The following LHFPL3 variants were observed in gnomAD, a reference collection of about 807,000 sequenced individuals.
LHFPL3 encodes the protein LHFPL tetraspan subfamily member 3, also known as LHFPL tetraspan subfamily member 3 protein.
In LHFPL3, 5 loss-of-function variants were observed where a neutral mutation model predicts 19.3. The ratio of observed to expected loss-of-function variants is 0.26; its 90% CI spans 0.14 to 0.54. The LOEUF (loss-of-function observed/expected upper bound fraction) is 0.54. Ranked by LOEUF, LHFPL3 falls within the 20% of genes least tolerant of loss-of-function variation. The pLI, the probability that LHFPL3 is intolerant of heterozygous loss-of-function variation, is 0.94. For synonymous variants in LHFPL3, 133 were observed against 126.2 expected (o/e 1.05, Z -0.36); for missense variants, 249 against 307.4 (o/e 0.81, Z 1.42).
intron 1 of LHFPL3, among the ~76,000 whole-genome samples, chr7:104,693,546 C>T (rs1429936173): frequency 6.6e-6 from 1 of 152,142 alleles, no homozygotes; most frequent in Non-Finnish European, 1.5e-5. Context: ...CTCACAACAT[C>T]CGATGGTTTT....
At chr7:104,350,808 G>C (rs1362387334) in intron 1 of LHFPL3, among the ~76,000 whole-genome samples, 1 of 152,192 alleles carries the variant, frequency 6.6e-6, no homozygotes, top group Admixed American at 6.5e-5. Flanking sequence ...GGGAGGCCGA[G>C]GTGGGTGAAT....
intron 1 of LHFPL3, among the ~76,000 whole-genome samples, chr7:104,485,226 T>C (rs1271931674): frequency 6.6e-6 from 1 of 152,136 alleles, no homozygotes; most frequent in Non-Finnish European, 1.5e-5. Flanking sequence ...CTAAAAGAGA[T>C]ATATTTTATC....
At chr7:104,554,848 T>G (rs1794733281) in intron 1 of LHFPL3, among the ~76,000 whole-genome samples, 1 of 152,166 alleles carries the variant, frequency 6.6e-6, no homozygotes, top group Non-Finnish European at 1.5e-5. Context: ...GGTATAACTC[T>G]CAGTCCAACC....
intron 1 of LHFPL3, among the ~76,000 whole-genome samples, chr7:104,428,202 T>G (rs1791885099): frequency 1.3e-5 from 2 of 152,188 alleles, no homozygotes; most frequent in Non-Finnish European, 2.9e-5. Flanking sequence ...TATGTTAAAA[T>G]CTACATATAA....
chr7:104,422,591 A>T (rs184443488), intron 1 of LHFPL3, among the ~76,000 whole-genome samples: 233 of 152,316 alleles, frequency 1.5e-3, no homozygotes, highest in African/African-American at 5.3e-3. Flanking sequence ...CTGGAGTTAA[A>T]CTGCCTGGGC....
At chr7:104,332,707 G>A (rs967530504) in intron 1 of LHFPL3, among the ~76,000 whole-genome samples, 9 of 151,858 alleles carry the variant, frequency 5.9e-5, no homozygotes, top group Admixed American at 3.9e-4. Context: ...TTTAATTTTC[G>A]TGCCGTTATG....
rs1286185325 is a variant in LHFPL3 at position 104,730,625 on chromosome 7, T to A, written c.446-6050T>A. ...TTTTCTTGTAAATTTGTTTGAGTTCTTTGTAGATTCTGGATATTAGCCCTT... is the reference window on the plus strand; with the variant it reads ...TTTTCTTGTAAATTTGTTTGAGTTCATTGTAGATTCTGGATATTAGCCCTT... On this transcript the variant is annotated intron_variant, in intron 1 of 2. Transcript: ENST00000424859. 3.3e-5 allele frequency among the ~76,000 whole-genome samples: 5 copies of A among 152,114 alleles called. No individual in the cohort carries two copies. In the East Asian group the frequency reaches 5.8e-4, roughly 18 times the overall value.
chr7:104,496,993 G>T (rs538515924), intron 1 of LHFPL3, among the ~76,000 whole-genome samples: 3 of 152,182 alleles, frequency 2.0e-5, no homozygotes, highest in East Asian at 1.9e-4. Context: ...GAAGAACAAG[G>T]TCCCCTTTGC....
chr7:104,408,864 C>CT (rs561975535), intron 1 of LHFPL3, among the ~76,000 whole-genome samples: 3,375 of 105,400 alleles, frequency 0.032, 334 homozygotes, highest in African/African-American at 0.11. Flanking sequence ...AATTTTCTTT[C>CT]TTTTTTTTTT....
chr7:104,357,396 C>T (rs1237527767), intron 1 of LHFPL3, among the ~76,000 whole-genome samples: 1 of 152,124 alleles, frequency 6.6e-6, no homozygotes, highest in African/African-American at 2.4e-5. Context: ...CTCTTAAAGG[C>T]AATTAGTAGT....
intron 2 of LHFPL3, among the ~76,000 whole-genome samples, chr7:104,757,161 A>G (rs967852079): frequency 6.6e-6 from 1 of 152,224 alleles, no homozygotes; most frequent in Non-Finnish European, 1.5e-5. Context: ...CAATATGCGG[A>G]AGAATCAAAC....
At chr7:104,703,487 T>C (rs1237986435) in intron 1 of LHFPL3, among the ~76,000 whole-genome samples, 1 of 152,238 alleles carries the variant, frequency 6.6e-6, no homozygotes, top group Non-Finnish European at 1.5e-5. Flanking sequence ...TTCTCATGGA[T>C]ATCATCTTTT....
intron 1 of LHFPL3, among the ~76,000 whole-genome samples, chr7:104,580,679 A>C (rs1790443501): frequency 6.6e-6 from 1 of 152,102 alleles, no homozygotes; most frequent in Non-Finnish European, 1.5e-5. Flanking sequence ...ATCACCCCAG[A>C]AAATTCCTCA....
intron 1 of LHFPL3, among the ~76,000 whole-genome samples, chr7:104,594,144 A>G (rs926799740): frequency 6.6e-6 from 1 of 152,164 alleles, no homozygotes; most frequent in Non-Finnish European, 1.5e-5. Context: ...TAGTTTTTAC[A>G]ATTTGGCCTG....
intron 1 of LHFPL3, among the ~76,000 whole-genome samples, chr7:104,692,191 T>C: frequency 6.6e-6 from 1 of 152,134 alleles, no homozygotes; most frequent in East Asian, 1.9e-4. Flanking sequence ...AAAGATATGG[T>C]TTGGAATTGG....
rs1792663358 is a variant in LHFPL3 at position 104,908,528 on chromosome 7, A to T, written c.*2313A>T. ...AATACCTGAATTTCTGTAAAAAAAT[A>T]AAAATAAAAATAAGATTTTGTTACT... On this transcript the variant is annotated 3_prime_UTR_variant, in exon 3 of 3. Transcript: ENST00000424859. Among the ~76,000 whole-genome samples, 1 of 152,218 alleles carries T rather than the reference A, an allele frequency of 6.6e-6. No homozygotes were observed. The highest frequency in any genetic ancestry group is 2.4e-5 in the African/African-American group (1 of 41,442).
intron 1 of LHFPL3, among the ~76,000 whole-genome samples, chr7:104,341,997 G>A (rs903109715): frequency 2.6e-5 from 4 of 152,178 alleles, no homozygotes; most frequent in African/African-American, 9.7e-5. Context: ...GCAGCCCCTT[G>A]CCTTAATATA....
At chr7:104,561,032 C>T (rs1789985331) in intron 1 of LHFPL3, among the ~76,000 whole-genome samples, 1 of 151,706 alleles carries the variant, frequency 6.6e-6, no homozygotes, top group Non-Finnish European at 1.5e-5. Context: ...TTTGATTGCA[C>T]TGTGGTCTGA....
chr7:104,490,182 T>C (rs568883961), intron 1 of LHFPL3, among the ~76,000 whole-genome samples: 11 of 152,314 alleles, frequency 7.2e-5, no homozygotes, highest in African/African-American at 2.2e-4. Context: ...TCCAGAGTTT[T>C]TTCTTTAGAA....
Sources: gnomAD v4.1 joint callset for allele counts (sites outside exome capture counted in the v4.1 genomes callset) on GRCh38, gnomAD v4.1.1 for gene constraint, MANE v1.5 for transcripts, NCBI Gene and HGNC (gene_info 2026-07-23, HGNC 2026-07-21) for gene names.